Variants in SPAG17 observed in about 807,000 individuals in gnomAD.
The protein encoded by SPAG17 is sperm associated antigen 17.
A neutral mutation model predicts 273.6 loss-of-function variants in SPAG17; 169 were observed. The observed-to-expected ratio is 0.62, with a 90% CI of 0.55 to 0.70. The LOEUF (loss-of-function observed/expected upper bound fraction) is 0.70, where lower values mean the gene tolerates loss of function less well. Among genes scored for constraint, SPAG17 ranks in the 30% least tolerant of loss-of-function variants. SPAG17 has a pLI of 0.00. For synonymous variants in SPAG17, 825 were observed against 873.2 expected (o/e 0.94, Z 0.97); for missense variants, 2,557 against 2,627.8 (o/e 0.97, Z 0.59).
At chr1:118,015,271 CAA>C (rs757554740) in intron 29 of SPAG17, among the ~76,000 whole-genome samples, 105 of 80,052 alleles carry the variant, frequency 1.3e-3, no homozygotes, top group Middle Eastern at 9.4e-3. Context: ...ACCTCTGTGT[CAA>C]AAAAAAAAAA....
intron 21 of SPAG17, among the ~76,000 whole-genome samples, chr1:118,041,042 T>A (rs113159233): frequency 2.0e-5 from 3 of 152,296 alleles, no homozygotes; most frequent in Non-Finnish European, 2.9e-5. Flanking sequence ...AGATCTATTA[T>A]GTTAAACTCT....
chr1:118,161,568 C>T (rs1659916924), intron 1 of SPAG17, among the ~76,000 whole-genome samples: 1 of 152,044 alleles, frequency 6.6e-6, no homozygotes, highest in South Asian at 2.1e-4. Flanking sequence ...GACGTAGTCT[C>T]GCTCTGTCGC....
chr1:117,985,417 T>A (rs1656298373), intron 40 of SPAG17, among the ~76,000 whole-genome samples: 2 of 152,174 alleles, frequency 1.3e-5, no homozygotes, highest in Non-Finnish European at 2.9e-5. Context: ...CCTTGCCTCA[T>A]GTCTTTCCCT....
chr1:117,963,686 C>T, intron 48 of SPAG17, 113 bp downstream of exon 48: 1 of 988,242 alleles, frequency 1.0e-6, no homozygotes, highest in South Asian at 1.9e-5. Flanking sequence ...TTCATTCATT[C>T]AGGCCAGGTG....
At chr1:118,146,996 T>A (rs1051023642) in intron 3 of SPAG17, among the ~76,000 whole-genome samples, 2 of 152,216 alleles carry the variant, frequency 1.3e-5, no homozygotes, top group Non-Finnish European at 2.9e-5. Context: ...GATAATCTCA[T>A]CTTCCTTTGA....
chr1:118,073,318 GT>G (rs1653783059), intron 17 of SPAG17, among the ~76,000 whole-genome samples: 1 of 152,110 alleles, frequency 6.6e-6, no homozygotes, highest in Admixed American at 6.6e-5. Context: ...AGGTGCCTCA[GT>G]TTCTTACTGC....
chr1:118,081,533 C>T lies in SPAG17; in HGVS notation c.1872G>A (p.Met624Ile), dbSNP rs773312050. 6.2e-7 allele frequency: 1 copy of T among 1,613,850 alleles called. No homozygotes were observed. Among genetic ancestry groups the T allele is most frequent in the African/African-American group, 1.3e-5 (1 of 74,900 alleles). Residue 624 changes from methionine to isoleucine, a missense_variant, in exon 14 of 49, where the codon ATG becomes ATA. By Grantham distance (10) the Met-to-Ile change is conservative. Transcript: ENST00000336338. ...EKGKLKPSGMMCGSDSEMFNI... is the reference protein window; with the variant it reads ...EKGKLKPSGMICGSDSEMFNI... Reference sequence around the variant, plus strand: ...TGAACATTTCAGAATCTGACCCACACATCATCCCAGAAGGTTTCAGTTTCC... The same window carrying T: ...TGAACATTTCAGAATCTGACCCACATATCATCCCAGAAGGTTTCAGTTTCC...
chr1:118,150,762 G>A, intron 2 of SPAG17, 133 bp from the exon 3 acceptor site: 1 of 545,734 alleles, frequency 1.8e-6, no homozygotes, highest in Non-Finnish European at 3.2e-6. Context: ...CCATGAATTA[G>A]GTAAAATATT....
Position 117,991,456 on chromosome 1 carries a change from C to A in SPAG17, c.5434G>T (p.Glu1812Ter), listed in dbSNP as rs768646494. ...EMMVKDSRTE[E>*]ERGNAADLLK... ...AGATCAGCAGCATTGCCTCTCTCCT[C>A]CTCAGTTCTGGAATCTTTAACCATC... The change falls in exon 37 of 49, where the codon GAG (glutamate) becomes TAG (stop). Residue 1812 changes from glutamate to a stop codon, truncating the protein, a stop_gained. Transcript: ENST00000336338. LOFTEE classifies it high-confidence loss of function. The A allele has an allele frequency of 6.2e-7, 1 of 1,612,252 alleles. No individual in the cohort carries two copies. The highest frequency in any genetic ancestry group is 8.5e-7 in the Non-Finnish European group (1 of 1,178,960).
At chr1:118,046,286 A>G (rs1650344925) in intron 20 of SPAG17, among the ~76,000 whole-genome samples, 1 of 152,110 alleles carries the variant, frequency 6.6e-6, no homozygotes, top group African/African-American at 2.4e-5. Flanking sequence ...GCAGTGAGTT[A>G]TAATCACGCC....
intron 3 of SPAG17, among the ~76,000 whole-genome samples, chr1:118,138,172 A>C (rs1450695359): frequency 1.3e-5 from 2 of 152,214 alleles, no homozygotes; most frequent in Non-Finnish European, 2.9e-5. Flanking sequence ...ACTCAATTAT[A>C]ACCACGGCTT....
Position 118,074,427 on chromosome 1 carries a change from A to G in SPAG17, c.2271+112T>C, listed in dbSNP as rs1225219913. On this transcript the variant is annotated intron_variant, in intron 16 of 48. Transcript: ENST00000336338. ...CGAATAGTTCCTCTTTTCTAGCCTC[A>G]GTATTCTCCTTCTAAGTATCTTCTT... 4 of 883,852 alleles carry G rather than the reference A, an allele frequency of 4.5e-6. No individual in the cohort carries two copies. In the Admixed American group the frequency reaches 8.0e-5, roughly 18 times the overall value. 54.8% of individuals were successfully genotyped at this position (883,852 alleles called of 1,614,324 possible). A position where few individuals can be genotyped will look rare whatever the true frequency, so the allele number is the denominator to read the frequency against.
intron 13 of SPAG17, among the ~76,000 whole-genome samples, chr1:118,084,433 T>G (rs1654832699): frequency 6.6e-6 from 1 of 152,370 alleles, no homozygotes; most frequent in South Asian, 2.1e-4. Context: ...TGTCCTTTCT[T>G]ATAGGTAGTA....
intron 18 of SPAG17, among the ~76,000 whole-genome samples, chr1:118,064,134 G>T (rs1345017058): frequency 6.6e-6 from 1 of 152,160 alleles, no homozygotes; most frequent in Non-Finnish European, 1.5e-5. Context: ...TTACACTGTT[G>T]CTGGAACTGT....
Position 118,005,490 on chromosome 1 carries a change from C to T in SPAG17, c.4700G>A (p.Arg1567Gln), listed in dbSNP as rs747969891. Residue 1567 changes from arginine (R) to glutamine (Q), a missense_variant, in exon 32 of 49, where the codon CGA (arginine) becomes CAA (glutamine). By Grantham distance (43) the Arg-to-Gln change is conservative (BLOSUM62 1). Transcript: ENST00000336338. The stretch of plus-strand genomic sequence containing the variant: ...ATGCCTCATGATGTACCTGCCAGCT[C>T]GCAGCTGCTCACGCTTTTGAAAAGG... ...YYPFQKREQL[R>Q]AGRYIMRHTS... The T allele has an allele frequency of 1.1e-5, 17 of 1,613,542 alleles. No homozygotes were observed. Among genetic ancestry groups the T allele is most frequent in the Middle Eastern group, 1.6e-4 (1 of 6,082 alleles).
intron 1 of SPAG17, among the ~76,000 whole-genome samples, chr1:118,184,715 T>G (rs1399062272): frequency 6.6e-6 from 1 of 152,216 alleles, no homozygotes; most frequent in African/African-American, 2.4e-5. Context: ...TCTCATCCTT[T>G]AGAAGGTTTC....
At chr1:118,132,815 A>G (rs1442285466) in intron 3 of SPAG17, among the ~76,000 whole-genome samples, 1 of 152,196 alleles carries the variant, frequency 6.6e-6, no homozygotes, top group Non-Finnish European at 1.5e-5. Flanking sequence ...CTCTGTTGCC[A>G]GGCTGGAGTG....
chr1:118,164,665 A>G (rs1660078921), intron 1 of SPAG17, among the ~76,000 whole-genome samples: 1 of 152,238 alleles, frequency 6.6e-6, no homozygotes, highest in South Asian at 2.1e-4. Flanking sequence ...TCTGAGACAT[A>G]AACTTTATCA....
chr1:117,958,915 A>C (rs574519386), intron 48 of SPAG17: 1 of 1,613,896 alleles, frequency 6.2e-7, no homozygotes, highest in African/African-American at 1.3e-5. Flanking sequence ...ATCAGGATTC[A>C]CTTTGGACAG....
Sources: allele counts gnomAD v4.1 joint callset (sites outside exome capture counted in the v4.1 genomes callset), GRCh38; gene constraint gnomAD v4.1.1; transcripts MANE v1.5; gene names NCBI Gene and HGNC (gene_info 2026-07-23, HGNC 2026-07-21).